The following MAGI2 variants were observed in gnomAD, a reference collection of about 807,000 sequenced individuals.
The protein encoded by MAGI2 is membrane associated guanylate kinase, WW and PDZ domain containing 2.
In MAGI2, 35 loss-of-function variants were observed where a neutral mutation model predicts 133.3. That is an observed-to-expected ratio of 0.26 (90% CI 0.20 to 0.35). The LOEUF (loss-of-function observed/expected upper bound fraction) is 0.35, where lower values mean the gene tolerates loss of function less well. Among genes scored for constraint, MAGI2 ranks in the 10% least tolerant of loss-of-function variants. The pLI is 1.00. For missense variants in MAGI2, 1,636 were observed against 1,863.4 expected (o/e 0.88, Z 2.25); for synonymous variants, 729 against 710.6 (o/e 1.03, Z -0.41).
intron 3 of MAGI2, among the ~76,000 whole-genome samples, chr7:78,592,260 G>T (rs1367201460): frequency 6.6e-6 from 1 of 152,026 alleles, no homozygotes; most frequent in Non-Finnish European, 1.5e-5. Context: ...TATAGGTATT[G>T]TTGTGATATT....
intron 3 of MAGI2, among the ~76,000 whole-genome samples, chr7:78,575,982 AAC>A (rs1802226878): frequency 6.6e-6 from 1 of 152,190 alleles, no homozygotes; most frequent in Non-Finnish European, 1.5e-5. Flanking sequence ...AATGCAAGAT[AAC>A]AGAGAAAATT....
intron 1 of MAGI2, among the ~76,000 whole-genome samples, chr7:79,304,272 T>C (rs1270715520): frequency 6.6e-6 from 1 of 150,384 alleles, no homozygotes; most frequent in Non-Finnish European, 1.5e-5. Context: ...TGGGGAGTTA[T>C]GTTAAATTAT....
intron 1 of MAGI2, among the ~76,000 whole-genome samples, chr7:79,090,521 A>G (rs1344037675): frequency 6.6e-6 from 1 of 152,140 alleles, no homozygotes; most frequent in Non-Finnish European, 1.5e-5. Context: ...TGCTTAGAAC[A>G]TTTTCTTAAA....
At chr7:78,486,873 T>C (rs1793072975) in intron 6 of MAGI2, 2 of 507,392 alleles carry the variant, frequency 3.9e-6, no homozygotes, top group Non-Finnish European at 7.9e-6. Context: ...GTGGCACAAT[T>C]GCCTGACAGA....
At chr7:78,684,507 T>C (rs1816056410) in intron 2 of MAGI2, among the ~76,000 whole-genome samples, 1 of 152,182 alleles carries the variant, frequency 6.6e-6, no homozygotes, top group African/African-American at 2.4e-5. Context: ...TGGGAGCCAC[T>C]GGTTTTCAGA....
At chr7:78,584,625 T>C (rs1464200057) in intron 3 of MAGI2, among the ~76,000 whole-genome samples, 1 of 151,938 alleles carries the variant, frequency 6.6e-6, no homozygotes, top group Admixed American at 6.6e-5. Flanking sequence ...CCTAATGCAG[T>C]TGTAATTCAG....
At chr7:79,263,562 C>T (rs1717243238) in intron 1 of MAGI2, among the ~76,000 whole-genome samples, 1 of 152,158 alleles carries the variant, frequency 6.6e-6, no homozygotes. Context: ...AACGCAAATT[C>T]TCCTTAAGGA....
chr7:79,053,689 A>C (rs1812887072), intron 1 of MAGI2, among the ~76,000 whole-genome samples: 1 of 152,206 alleles, frequency 6.6e-6, no homozygotes, highest in Admixed American at 6.5e-5. Flanking sequence ...ATGGCAAAAG[A>C]AGCTGATTCC....
chr7:78,156,185 G>A (rs1824369135), intron 16 of MAGI2, among the ~76,000 whole-genome samples: 1 of 152,188 alleles, frequency 6.6e-6, no homozygotes, highest in Non-Finnish European at 1.5e-5. Flanking sequence ...CTCAGCAAAG[G>A]CACCTCAGCT....
intron 1 of MAGI2, among the ~76,000 whole-genome samples, chr7:79,153,787 A>G (rs1425439903): frequency 2.6e-5 from 4 of 152,170 alleles, no homozygotes; most frequent in Admixed American, 2.6e-4. Flanking sequence ...ACAGATTCAG[A>G]TGGGTTTATG....
At chr7:78,846,098 A>C (rs980412800) in intron 2 of MAGI2, among the ~76,000 whole-genome samples, 10 of 151,922 alleles carry the variant, frequency 6.6e-5, no homozygotes, top group Admixed American at 6.6e-4. Flanking sequence ...TTAATATAAT[A>C]TGCCATTTTG....
intron 1 of MAGI2, among the ~76,000 whole-genome samples, chr7:79,212,402 A>G (rs531006273): frequency 4.8e-4 from 73 of 152,164 alleles, no homozygotes; most frequent in Non-Finnish European, 8.5e-4. Context: ...TACATTTTAA[A>G]GTTTAAAAGA....
intron 6 of MAGI2, among the ~76,000 whole-genome samples, chr7:78,440,638 A>G (rs752913911): frequency 6.6e-6 from 1 of 152,176 alleles, no homozygotes; most frequent in African/African-American, 2.4e-5. Context: ...AGAAAGATGA[A>G]TTTGACAGTC....
chr7:78,927,094 C>T lies in MAGI2; in HGVS notation c.418+79996G>A, dbSNP rs542155660. 7.2e-5 allele frequency among the ~76,000 whole-genome samples: 11 copies of T among 152,070 alleles called. No homozygotes were observed. In the South Asian group the frequency reaches 2.3e-3, roughly 32 times the overall value. On this transcript the variant is annotated intron_variant, in intron 2 of 21. Transcript: ENST00000354212. ...TAGCATGTAATATCTTTATGTATATCTACAACAATACTTTTCATCATGAGA... is the reference window on the plus strand; with the variant it reads ...TAGCATGTAATATCTTTATGTATATTTACAACAATACTTTTCATCATGAGA...
At chr7:79,286,044 T>A (rs1171611067) in intron 1 of MAGI2, among the ~76,000 whole-genome samples, 1 of 151,986 alleles carries the variant, frequency 6.6e-6, no homozygotes, top group Non-Finnish European at 1.5e-5. Flanking sequence ...AAGGCTGATC[T>A]GGAAGCATGT....
At chr7:78,884,795 T>TCAACCCAGCAATCCC (rs201530854) in intron 2 of MAGI2, among the ~76,000 whole-genome samples, 3,932 of 152,268 alleles carry the variant, frequency 0.026, 72 homozygotes, top group Middle Eastern at 0.051. Flanking sequence ...GATCTACTTT[T>TCAACCCAGCAATCCC]CAACCCAGCA....
intron 3 of MAGI2, among the ~76,000 whole-genome samples, chr7:78,541,337 G>A (rs955760433): frequency 7.9e-5 from 12 of 152,062 alleles, no homozygotes; most frequent in Non-Finnish European, 1.5e-5. Flanking sequence ...CTATTTTCCT[G>A]TAATTATTTA....
At chr7:78,860,882 T>C (rs1214464115) in intron 2 of MAGI2, among the ~76,000 whole-genome samples, 1 of 152,170 alleles carries the variant, frequency 6.6e-6, no homozygotes, top group Non-Finnish European at 1.5e-5. Flanking sequence ...TGAGCTGCAG[T>C]GGGCTCCACC....
chr7:78,214,393 A>C (rs1788067530), intron 10 of MAGI2, among the ~76,000 whole-genome samples: 1 of 152,186 alleles, frequency 6.6e-6, no homozygotes, highest in Non-Finnish European at 1.5e-5. Flanking sequence ...GCCATCCTCC[A>C]TTTAAAAATC....
Sources: gnomAD v4.1 joint callset for allele counts (sites outside exome capture counted in the v4.1 genomes callset) on GRCh38, gnomAD v4.1.1 for gene constraint, MANE v1.5 for transcripts, NCBI Gene and HGNC (gene_info 2026-07-23, HGNC 2026-07-21) for gene names.